DENND4C: variants seen among roughly 807,000 people sequenced by gnomAD.
DENND4C encodes DENN domain containing 4C.
In DENND4C, 108 loss-of-function variants were observed where a neutral mutation model predicts 203.0. The ratio of observed to expected loss-of-function variants is 0.53; its 90% confidence interval spans 0.46 to 0.62. The LOEUF (loss-of-function observed/expected upper bound fraction) is 0.62, where lower values mean the gene tolerates loss of function less well. Among genes scored for constraint, DENND4C ranks in the 20% least tolerant of loss-of-function variants. DENND4C has a pLI of 0.00. For synonymous variants in DENND4C, 871 were observed against 792.4 expected (o/e 1.10, Z -1.67); for missense variants, 2,481 against 2,301.2 (o/e 1.08, Z -1.60).
chr9:19,356,788 T>TGAGAGAGAGAGAGAGAGAGAGAGA (rs60635871), intron 26 of DENND4C, among the ~76,000 whole-genome samples, 184 bp from the exon 27 acceptor site: 6 of 140,400 alleles, frequency 4.3e-5, no homozygotes, highest in Admixed American at 7.0e-5. Flanking sequence ...TGTGTGTGTG[T>TGAGAGAGAGAGAGAGAGAGAGAGA]GAGAGAGAGA....
intron 1 of DENND4C, among the ~76,000 whole-genome samples, chr9:19,243,206 T>A (rs990246823): frequency 5.9e-5 from 9 of 152,214 alleles, no homozygotes; most frequent in African/African-American, 1.9e-4. Context: ...CTTTATAGAT[T>A]TACCTATTTT....
intron 15 of DENND4C, among the ~76,000 whole-genome samples, chr9:19,326,578 A>C (rs1258847487): frequency 6.6e-6 from 1 of 152,120 alleles, no homozygotes; most frequent in African/African-American, 2.4e-5. Context: ...ATTCTTTATT[A>C]AGATAAAGGA....
Position 19,288,664 on chromosome 9 carries a change from T to C in DENND4C, c.627T>C (p.Ala209=). 8.1e-7 allele frequency: 1 copy of C among 1,231,488 alleles called. No homozygotes were observed. Among genetic ancestry groups the C allele is most frequent in the Non-Finnish European group, 1.0e-6 (1 of 987,474 alleles). 76.3% of individuals were successfully genotyped at this position (1,231,488 alleles called of 1,614,324 possible). ...CTTCAAATGCAATAGCATATAAGGCTGGTAAGTGAGTTAAAAAAAATTGTC... is the reference window on the plus strand; with the variant it reads ...CTTCAAATGCAATAGCATATAAGGCCGGTAAGTGAGTTAAAAAAAATTGTC... ...VPASNAIAYK[A]GLIFRYPEED... is the part of the protein sequence containing the mutation. Residue 209 remains alanine, a splice_region_variant and synonymous_variant, in exon 4 of 33, where the codon GCT becomes GCC. Coordinates refer to ENST00000434457, the MANE Select transcript of DENND4C (RefSeq NM_001330640.2).
At chr9:19,290,196 T>C (rs1033092665) in intron 4 of DENND4C, among the ~76,000 whole-genome samples, 2 of 152,228 alleles carry the variant, frequency 1.3e-5, no homozygotes. Context: ...TCTCACATAC[T>C]CTGTACTTAG....
chr9:19,367,410 A>G (rs1444624970), intron 30 of DENND4C, among the ~76,000 whole-genome samples: 2 of 152,266 alleles, frequency 1.3e-5, no homozygotes, highest in Non-Finnish European at 1.5e-5. Context: ...TTTGCATAAT[A>G]GCCAAAAATA....
intron 22 of DENND4C, among the ~76,000 whole-genome samples, chr9:19,344,467 C>T (rs1283037232): frequency 2.0e-5 from 3 of 152,160 alleles, no homozygotes; most frequent in African/African-American, 7.2e-5. Context: ...CTGTACTCTC[C>T]ACCCTAGGTG....
intron 1 of DENND4C, among the ~76,000 whole-genome samples, chr9:19,266,043 A>C (rs1347349618): frequency 6.6e-6 from 1 of 152,188 alleles, no homozygotes; most frequent in African/African-American, 2.4e-5. Flanking sequence ...TGTCTTCCAC[A>C]ATGGTTGAAC....
chr9:19,267,487 G>C (rs1423206315), intron 1 of DENND4C, among the ~76,000 whole-genome samples: 1 of 151,970 alleles, frequency 6.6e-6, no homozygotes, highest in Non-Finnish European at 1.5e-5. Flanking sequence ...TTTAGTCTGT[G>C]TGTATCTTTA....
chr9:19,231,595 A>G (rs1170061667), intron 1 of DENND4C, among the ~76,000 whole-genome samples: 1 of 150,230 alleles, frequency 6.7e-6, no homozygotes, highest in Non-Finnish European at 1.5e-5. Flanking sequence ...CCTCTCGAAG[A>G]CCGTCTTTTA....
chr9:19,356,779 G>GTA (rs1371645758), intron 26 of DENND4C, among the ~76,000 whole-genome samples, 193 bp from the exon 27 acceptor site: 6 of 145,162 alleles, frequency 4.1e-5, no homozygotes, highest in Admixed American at 1.3e-4. Context: ...AGGAATGTGT[G>GTA]TGTGTGTGTG....
intron 1 of DENND4C, among the ~76,000 whole-genome samples, chr9:19,238,143 C>T (rs1427266057): frequency 4.7e-5 from 7 of 149,212 alleles, no homozygotes; most frequent in South Asian, 4.3e-4. Flanking sequence ...AGTGCAATGG[C>T]GTGATCTCAG....
intron 20 of DENND4C, among the ~76,000 whole-genome samples, chr9:19,337,213 A>G (rs1253148822): frequency 1.3e-5 from 2 of 152,246 alleles, no homozygotes; most frequent in African/African-American, 4.8e-5. Context: ...TAAAGAGGGA[A>G]GGAAGGAAGT....
At chr9:19,308,670 C>G (rs947057090) in intron 10 of DENND4C, among the ~76,000 whole-genome samples, 1 of 152,022 alleles carries the variant, frequency 6.6e-6, no homozygotes, top group Non-Finnish European at 1.5e-5. Flanking sequence ...CTTAATTTAT[C>G]AAATTTATTA....
At chr9:19,347,948 A>G (rs990084125) in intron 23 of DENND4C, among the ~76,000 whole-genome samples, 2 of 152,222 alleles carry the variant, frequency 1.3e-5, no homozygotes, top group African/African-American at 4.8e-5. Flanking sequence ...CTTTTGGTAA[A>G]AACAAAAGTG....
At chr9:19,272,594 G>C (rs1181535776) in intron 1 of DENND4C, among the ~76,000 whole-genome samples, 1 of 151,810 alleles carries the variant, frequency 6.6e-6, no homozygotes, top group African/African-American at 2.4e-5. Context: ...TGAAAAATGG[G>C]ATATCCATAT....
intron 12 of DENND4C, among the ~76,000 whole-genome samples, chr9:19,318,990 A>G (rs1203849087): frequency 6.6e-6 from 1 of 151,854 alleles, no homozygotes; most frequent in South Asian, 2.1e-4. Flanking sequence ...CCAACATGGC[A>G]AAACCCTGTC....
chr9:19,326,831 G>T (rs1477228472), intron 15 of DENND4C, among the ~76,000 whole-genome samples: 2 of 152,014 alleles, frequency 1.3e-5, no homozygotes. Flanking sequence ...GCCTTTAGTG[G>T]TCTGAACATT....
At chr9:19,260,410 A>ATGTTAT (rs1397274468) in intron 1 of DENND4C, among the ~76,000 whole-genome samples, 2 of 149,928 alleles carry the variant, frequency 1.3e-5, no homozygotes, top group African/African-American at 2.5e-5. Context: ...ATGTTATGTT[A>ATGTTAT]TTTTTGAGAT....
chr9:19,304,965 T>A (rs926144717), intron 9 of DENND4C, among the ~76,000 whole-genome samples: 3 of 151,996 alleles, frequency 2.0e-5, no homozygotes, highest in South Asian at 4.2e-4. Context: ...CTGAGGTAAT[T>A]TTGAGAATTA....
Sources: gnomAD v4.1 joint callset for allele counts (sites outside exome capture counted in the v4.1 genomes callset) on GRCh38, gnomAD v4.1.1 for gene constraint, MANE v1.5 for transcripts, NCBI Gene and HGNC (gene_info 2026-07-23, HGNC 2026-07-21) for gene names.